ACACA: variants seen among roughly 807,000 people sequenced by gnomAD.
ACACA encodes acetyl-CoA carboxylase 1.
Under a neutral mutation model 296.1 loss-of-function variants are expected in ACACA, and 103 were observed. That is an observed-to-expected ratio of 0.35 (90% CI 0.30 to 0.41). ACACA has a LOEUF of 0.41. ACACA is among the 10% of genes least tolerant of loss of function. ACACA has a pLI of 1.00. For missense variants in ACACA, 1,554 were observed against 2,989.7 expected, an observed-to-expected ratio of 0.52 and a Z score of 11.20; for synonymous variants, 953 against 1,038.6, an observed-to-expected ratio of 0.92 and a Z score of 1.58.
chr17:37,183,665 A>G (rs2077409197), intron 39 of ACACA, among the ~76,000 whole-genome samples: 1 of 151,938 alleles, frequency 6.6e-6, no homozygotes, highest in African/African-American at 2.4e-5. Context: ...CGTCTCTACT[A>G]AAAATACAAA....
intron 11 of ACACA, among the ~76,000 whole-genome samples, chr17:37,260,269 TA>T (rs1567898769): frequency 1.7e-4 from 4 of 23,082 alleles, no homozygotes; most frequent in Non-Finnish European, 2.2e-4. Context: ...TATATATATA[TA>T]TATATATATA....
At chr17:37,245,391 T>C (rs917158949) in intron 19 of ACACA, among the ~76,000 whole-genome samples, 177 bp from the exon 20 acceptor site, 7 of 152,238 alleles carry the variant, frequency 4.6e-5, no homozygotes, top group African/African-American at 1.4e-4. Flanking sequence ...AGAAAATCTC[T>C]CAGTACCTCA....
chr17:37,247,926 G>T, intron 18 of ACACA, 85 bp downstream of exon 18: 2 of 1,541,242 alleles, frequency 1.3e-6, no homozygotes, highest in Non-Finnish European at 8.9e-7. Flanking sequence ...ACCAAGAAAA[G>T]CCTGGGAAAA....
rs1173864454 is a variant in ACACA at position 37,128,024 on chromosome 17, C to CAAAAAAA, written c.5944+1334_5944+1340dup. Among the ~76,000 whole-genome samples, 23 of 39,734 alleles carry CAAAAAAA rather than the reference C, an allele frequency of 5.8e-4. 1 individual carries two copies. Among genetic ancestry groups the CAAAAAAA allele is most frequent in the Admixed American group, 1.1e-3 (3 of 2,620 alleles). The allele number at this position is 39,734 out of a possible 152,430, so 26.1% of individuals were successfully genotyped here. On this transcript the variant is annotated intron_variant, in intron 47 of 55. Transcript: ENST00000616317. ...GGAGGACAAGAGTGAAACTCCATCT[C>CAAAAAAA]AAAAAAAAAAAAAAAAAAAAAAAAA...
chr17:37,348,152 CAA>C (rs200582345), intron 1 of ACACA, among the ~76,000 whole-genome samples: 3 of 97,046 alleles, frequency 3.1e-5, no homozygotes, highest in African/African-American at 3.5e-5. Context: ...CTCTGTCTCT[CAA>C]AAAAAAAAAA....
intron 16 of ACACA, among the ~76,000 whole-genome samples, chr17:37,251,651 T>C (rs757150402): frequency 2.0e-5 from 3 of 152,188 alleles, no homozygotes; most frequent in African/African-American, 4.8e-5. Flanking sequence ...AAGTAATACA[T>C]GAAATATTTA....
chr17:37,184,719 G>A (rs1156820307), intron 39 of ACACA, among the ~76,000 whole-genome samples: 1 of 151,904 alleles, frequency 6.6e-6, no homozygotes, highest in African/African-American at 2.4e-5. Flanking sequence ...CATGGTGGTA[G>A]ACGCCTTTAG....
At chr17:37,361,962 T>C (rs1370019385) in intron 1 of ACACA, among the ~76,000 whole-genome samples, 2 of 152,180 alleles carry the variant, frequency 1.3e-5, no homozygotes, top group Non-Finnish European at 2.9e-5. Flanking sequence ...TACCTCAGAA[T>C]GTGAGTATAT....
At chr17:37,353,797 T>A (rs896040007) in intron 1 of ACACA, among the ~76,000 whole-genome samples, 7 of 152,006 alleles carry the variant, frequency 4.6e-5, no homozygotes, top group Admixed American at 1.3e-4. Flanking sequence ...TTTTTAAACT[T>A]CATGAGTTCA....
chr17:37,390,175 T>TATATATATATATACACACAC (rs60788220), intron 1 of ACACA, among the ~76,000 whole-genome samples: 4 of 44,512 alleles, frequency 9.0e-5, no homozygotes, highest in African/African-American at 1.2e-4. Context: ...TATATATATA[T>TATATATATATATACACACAC]ACACACACAC....
intron 51 of ACACA, among the ~76,000 whole-genome samples, chr17:37,112,080 A>T (rs753638416): frequency 6.6e-6 from 1 of 151,874 alleles, no homozygotes; most frequent in African/African-American, 2.4e-5. Context: ...CTATCTATCT[A>T]TCTACCTCAC....
intron 1 of ACACA, among the ~76,000 whole-genome samples, chr17:37,401,014 TGTA>T (rs1303187764): frequency 6.6e-6 from 1 of 152,130 alleles, no homozygotes; most frequent in Non-Finnish European, 1.5e-5. Context: ...CCACTGACAG[TGTA>T]CAGGGTTTTT....
chr17:37,334,618 G>C lies in ACACA; in HGVS notation c.86-4193C>G, dbSNP rs559771623. On this transcript the variant is annotated intron_variant, in intron 2 of 55. Transcript: ENST00000616317. ...GTGAACCTCTAGAGGATCTGCGCCTGCTCTTCAAATGACAACCAGGGGGAA... is the reference window on the plus strand; with the variant it reads ...GTGAACCTCTAGAGGATCTGCGCCTCCTCTTCAAATGACAACCAGGGGGAA... Among the ~76,000 whole-genome samples, 12 of 152,258 alleles carry C rather than the reference G, an allele frequency of 7.9e-5. No homozygotes were observed. In the South Asian group the frequency reaches 2.5e-3, roughly 32 times the overall value.
At chr17:37,328,748 T>C in intron 3 of ACACA, 2 of 396,788 alleles carry the variant, frequency 5.0e-6, no homozygotes, top group Admixed American at 8.8e-5. Context: ...GGTGCCAAGA[T>C]AGTAACAGCA....
At chr17:37,093,443 A>G (rs1419709864) in intron 54 of ACACA, among the ~76,000 whole-genome samples, 2 of 145,230 alleles carry the variant, frequency 1.4e-5, no homozygotes, top group Non-Finnish European at 3.1e-5. Flanking sequence ...ACCTTCTAAC[A>G]TGGAGCAGGG....
Position 37,339,773 on chromosome 17 carries a change from T to C in ACACA, c.85+31A>G, listed in dbSNP as rs17138792. On this transcript the variant is annotated intron_variant, in intron 2 of 55. Transcript: ENST00000616317. ...CAACATGAACAAAATTTTTATCACA[T>C]TGTAAACAAGGAGTATTATTTGTAA... 1.7e-3 allele frequency: 2,243 copies of C among 1,323,188 alleles called. 30 individuals carry two copies. The African/African-American group carries it at 0.028, about 17-fold the overall frequency. The allele number at this position is 1,323,188 out of a possible 1,614,324, so 82.0% of individuals were successfully genotyped here.
In ACACA at chr17:37,097,635, T is replaced by A. The variant is rs929996037; in HGVS notation, c.6720+195A>T. Reference sequence around the variant, plus strand: ...GCCTCCTGAGGAATTAATGGAAACCTAAATTATACATTGTTTTAAGATGAT... The same window carrying A: ...GCCTCCTGAGGAATTAATGGAAACCAAAATTATACATTGTTTTAAGATGAT... On this transcript the variant is annotated intron_variant, in intron 53 of 55. Coordinates refer to ENST00000616317, the MANE Select transcript of ACACA (RefSeq NM_198834.3). The surrounding 1 kb of genome is among the most constrained non-coding windows in gnomAD (Gnocchi z 4.8). 5.9e-5 allele frequency among the ~76,000 whole-genome samples: 9 copies of A among 152,200 alleles called. No individual in the cohort carries two copies. Among genetic ancestry groups the A allele is most frequent in the Admixed American group, 2.0e-4 (3 of 15,282 alleles).
chr17:37,230,572 T>C (rs753670216), intron 25 of ACACA, among the ~76,000 whole-genome samples: 8 of 152,158 alleles, frequency 5.3e-5, no homozygotes, highest in Non-Finnish European at 1.0e-4. Context: ...AAATTATGTA[T>C]AGAATAACTT....
chr17:37,402,427 A>G (rs916519621), intron 1 of ACACA, among the ~76,000 whole-genome samples: 4 of 152,202 alleles, frequency 2.6e-5, no homozygotes, highest in African/African-American at 4.8e-5. Context: ...TGATAAAGAT[A>G]TAGGAAGATG....
Sources: gnomAD v4.1 joint callset for allele counts (sites outside exome capture counted in the v4.1 genomes callset) on GRCh38, gnomAD v4.1.1 for gene constraint, Gnocchi (gnomAD v3.1) non-coding constraint, MANE v1.5 for transcripts, NCBI Gene and HGNC (gene_info 2026-07-23, HGNC 2026-07-21) for gene names.